RGPD2: variants seen among roughly 807,000 people sequenced by gnomAD.
RGPD2 encodes RANBP2-like and GRIP domain-containing protein 2.
In RGPD2, 2 loss-of-function variants were observed where a neutral mutation model predicts 36.0. That is an observed-to-expected ratio of 0.06 (90% CI 0.02 to 0.17). The LOEUF (loss-of-function observed/expected upper bound fraction) is 0.17, where lower values mean the gene tolerates loss of function less well. Among genes scored for constraint, RGPD2 ranks in the 10% least tolerant of loss-of-function variants. The probability of loss-of-function intolerance (pLI) is 1.00; values close to 1 mark genes in which losing one functional copy is unlikely to be tolerated. For synonymous variants in RGPD2, 19 were observed against 163.8 expected, an observed-to-expected ratio of 0.12 and a Z score of 6.75; for missense variants, 40 against 464.3, an observed-to-expected ratio of 0.09 and a Z score of 8.40.
chr2:87,831,101 C>G, the RGPD2 span, among the ~76,000 whole-genome samples: 6 of 152,204 alleles, frequency 3.9e-5, no homozygotes, highest in South Asian at 1.2e-3. Context: ...AGTATGGTAA[C>G]TTAAATAATT....
the RGPD2 span, among the ~76,000 whole-genome samples, chr2:87,986,347 C>T: frequency 6.7e-6 from 1 of 148,470 alleles, no homozygotes; most frequent in Non-Finnish European, 1.5e-5. Flanking sequence ...GTTGGCCAGG[C>T]TGGTCTCAAA....
the RGPD2 span, among the ~76,000 whole-genome samples, chr2:87,883,213 G>A: frequency 6.6e-6 from 1 of 151,666 alleles, no homozygotes; most frequent in Non-Finnish European, 1.5e-5. Context: ...ATTTTTCTCT[G>A]CAATCAAAAT....
chr2:87,986,865 A>G, the RGPD2 span, among the ~76,000 whole-genome samples: 2 of 127,588 alleles, frequency 1.6e-5, no homozygotes, highest in Non-Finnish European at 3.3e-5. Flanking sequence ...GGATGACTAC[A>G]GCGAAACTGT....
chr2:87,923,157 C>T, the RGPD2 span, among the ~76,000 whole-genome samples: 2 of 151,918 alleles, frequency 1.3e-5, no homozygotes, highest in Admixed American at 1.3e-4. Flanking sequence ...AGAAACTTTT[C>T]GTGGACTGGA....
chr2:87,813,102 A>G (rs1686164639), intron 4 of RGPD2, among the ~76,000 whole-genome samples: 1 of 152,246 alleles, frequency 6.6e-6, no homozygotes, highest in Non-Finnish European at 1.5e-5. Context: ...CTTCAAGACA[A>G]TAACATCATC....
At chr2:87,935,538 T>C in the RGPD2 span, among the ~76,000 whole-genome samples, 2 of 148,560 alleles carry the variant, frequency 1.3e-5, no homozygotes, top group East Asian at 4.1e-4. Context: ...TTATTCAACA[T>C]GTAACGGGAA....
At chr2:87,886,027 A>G in the RGPD2 span, among the ~76,000 whole-genome samples, 2 of 151,850 alleles carry the variant, frequency 1.3e-5, no homozygotes, top group Non-Finnish European at 2.9e-5. Context: ...TAAAGAAACA[A>G]ATACATTATA....
At chr2:87,930,833 T>G in the RGPD2 span, among the ~76,000 whole-genome samples, 9 of 33,024 alleles carry the variant, frequency 2.7e-4, no homozygotes, top group Admixed American at 2.3e-3. Context: ...TTTCTTCCAG[T>G]TTTTTTTTTT....
chr2:87,871,681 C>T, the RGPD2 span, among the ~76,000 whole-genome samples: 1 of 152,066 alleles, frequency 6.6e-6, no homozygotes, highest in Non-Finnish European at 1.5e-5. Flanking sequence ...GCCTGACCAA[C>T]ATGGAGAAAC....
the RGPD2 span, among the ~76,000 whole-genome samples, chr2:87,915,969 C>G: frequency 6.7e-6 from 1 of 149,516 alleles, no homozygotes; most frequent in Non-Finnish European, 1.5e-5. Flanking sequence ...GAGAGAAAGG[C>G]AAACTACAGT....
At chr2:87,861,010 G>A in the RGPD2 span, among the ~76,000 whole-genome samples, 1 of 151,964 alleles carries the variant, frequency 6.6e-6, no homozygotes, top group African/African-American at 2.4e-5. Flanking sequence ...TGTATGTAAG[G>A]ATGTATGTGT....
chr2:87,882,756 T>C, the RGPD2 span, among the ~76,000 whole-genome samples: 1 of 152,202 alleles, frequency 6.6e-6, no homozygotes, highest in African/African-American at 2.4e-5. Context: ...ACTTGCACCT[T>C]CTTCCATTTC....
At chr2:87,915,569 C>CAT in the RGPD2 span, among the ~76,000 whole-genome samples, 6 of 140,982 alleles carry the variant, frequency 4.3e-5, no homozygotes, top group Non-Finnish European at 7.6e-5. Context: ...TATATATACA[C>CAT]ATATATGTGT....
chr2:87,825,875 T>G (rs1686791716), upstream of RGPD2: 1 of 1,055,786 alleles, frequency 9.5e-7, no homozygotes, highest in African/African-American at 1.7e-5. Flanking sequence ...GTCAGCACTG[T>G]GTATCCTTGG....
chr2:87,892,195 C>T, the RGPD2 span, among the ~76,000 whole-genome samples: 1 of 151,354 alleles, frequency 6.6e-6, no homozygotes, highest in Non-Finnish European at 1.5e-5. Flanking sequence ...TCTGGTAACA[C>T]TGTTAAAACA....
chr2:87,912,061 G>GCT, the RGPD2 span, among the ~76,000 whole-genome samples: 1 of 135,640 alleles, frequency 7.4e-6, no homozygotes. Flanking sequence ...ATACCAGGTT[G>GCT]TTTTTTTTTT....
chr2:87,967,269 A>C, the RGPD2 span, among the ~76,000 whole-genome samples: 1 of 147,124 alleles, frequency 6.8e-6, no homozygotes, highest in Non-Finnish European at 1.5e-5. Context: ...TTAGCTGGGC[A>C]TGGTGGCATG....
the RGPD2 span, among the ~76,000 whole-genome samples, chr2:87,937,690 C>T: frequency 1.3e-5 from 2 of 152,014 alleles, no homozygotes; most frequent in South Asian, 4.2e-4. Flanking sequence ...CCACCTCAGA[C>T]ATTTCAAGAT....
the RGPD2 span, among the ~76,000 whole-genome samples, chr2:87,937,210 G>C: frequency 6.6e-6 from 1 of 151,750 alleles, no homozygotes; most frequent in Admixed American, 6.6e-5. Flanking sequence ...GGTAGAGTCA[G>C]GTCAAATGAG....
Sources: allele counts gnomAD v4.1 joint callset (sites outside exome capture counted in the v4.1 genomes callset), GRCh38; gene constraint gnomAD v4.1.1; transcripts MANE v1.5; gene names NCBI Gene and HGNC (gene_info 2026-07-23, HGNC 2026-07-21).